PLEK: variants seen among roughly 807,000 people sequenced by gnomAD.
PLEK encodes pleckstrin, also known as platelet 47 kDa protein.
A neutral mutation model predicts 43.9 loss-of-function variants in PLEK; 25 were observed. The ratio of observed to expected loss-of-function variants is 0.57; its 90% confidence interval spans 0.41 to 0.79. The LOEUF is 0.79. PLEK is among the 30% of genes least tolerant of loss of function. The pLI, the probability that PLEK is intolerant of heterozygous loss-of-function variation, is 0.00. For missense variants in PLEK, 396 were observed against 413.3 expected, an observed-to-expected ratio of 0.96 and a Z score of 0.36; for synonymous variants, 152 against 144.4, an observed-to-expected ratio of 1.05 and a Z score of -0.38.
chr2:68,391,753 C>T (rs977879854), intron 6 of PLEK, among the ~76,000 whole-genome samples: 1 of 152,172 alleles, frequency 6.6e-6, no homozygotes, highest in East Asian at 1.9e-4. Flanking sequence ...TACATGCTTG[C>T]CAATATGTGG....
chr2:68,372,225 G>A (rs1191905885), intron 1 of PLEK, among the ~76,000 whole-genome samples: 1 of 151,274 alleles, frequency 6.6e-6, no homozygotes, highest in East Asian at 2.0e-4. Context: ...CCAGGCTGGA[G>A]TGCAGTGGTG....
chr2:68,379,645 GA>G (rs1228707647), intron 1 of PLEK, among the ~76,000 whole-genome samples: 1 of 152,090 alleles, frequency 6.6e-6, no homozygotes, highest in Non-Finnish European at 1.5e-5. Context: ...TTAATGGTGT[GA>G]ACCCGACATG....
At chr2:68,384,423 C>T (rs1172098592) in intron 4 of PLEK, among the ~76,000 whole-genome samples, 3 of 152,068 alleles carry the variant, frequency 2.0e-5, no homozygotes, top group African/African-American at 7.2e-5. Flanking sequence ...CGGGGTTTCA[C>T]CATGTTGGCC....
chr2:68,386,597 C>G lies in PLEK; in HGVS notation c.568C>G (p.Leu190Val). 1 of 1,613,802 alleles carries G rather than the reference C, an allele frequency of 6.2e-7. No homozygotes were observed. Among genetic ancestry groups the G allele is most frequent in the Non-Finnish European group, 8.5e-7 (1 of 1,179,690 alleles). Residue 190 changes from leucine to valine, a missense_variant, in exon 5 of 9, where the codon CTG becomes GTG. By Grantham distance (32) the Leu-to-Val change is conservative. Transcript: ENST00000234313. ...TTCATCGCTGCTCAATGAGGGGTAT[C>G]TGCAGCCTGCTGGAGACATGTCCAA... ...IASSLLNEGY[L>V]QPAGDMSKSA... is the part of the protein sequence containing the mutation.
intron 4 of PLEK, among the ~76,000 whole-genome samples, chr2:68,384,327 T>C (rs931238039): frequency 1.3e-5 from 2 of 152,070 alleles, no homozygotes; most frequent in African/African-American, 4.8e-5. Context: ...GGTTCAAGCG[T>C]GATTCTCGTG....
intron 4 of PLEK, among the ~76,000 whole-genome samples, chr2:68,385,621 C>T (rs1220989440): frequency 6.6e-6 from 1 of 152,062 alleles, no homozygotes; most frequent in Non-Finnish European, 1.5e-5. Context: ...CCCCATGGGG[C>T]TGCTTTATGC....
At chr2:68,376,429 T>C (rs1673502518) in intron 1 of PLEK, among the ~76,000 whole-genome samples, 1 of 152,126 alleles carries the variant, frequency 6.6e-6, no homozygotes, top group African/African-American at 2.4e-5. Context: ...TGCGCAGCCT[T>C]GTGCAAATGT....
At chr2:68,387,665 TG>T (rs1462475441) in intron 5 of PLEK, among the ~76,000 whole-genome samples, 1 of 152,204 alleles carries the variant, frequency 6.6e-6, no homozygotes, top group Non-Finnish European at 1.5e-5. Context: ...GTTTCTATCT[TG>T]GATCAGAGCA....
At chr2:68,367,161 A>G (rs1673291986) in intron 1 of PLEK, among the ~76,000 whole-genome samples, 1 of 152,210 alleles carries the variant, frequency 6.6e-6, no homozygotes, top group South Asian at 2.1e-4. Flanking sequence ...TATATCTTCC[A>G]TAATTTTCAT....
intron 6 of PLEK, among the ~76,000 whole-genome samples, chr2:68,389,500 A>G (rs1673817739): frequency 6.6e-6 from 1 of 152,192 alleles, no homozygotes; most frequent in African/African-American, 2.4e-5. Context: ...GCAAGGAGGG[A>G]AGAACCAGAG....
chr2:68,372,438 A>T (rs1668257922), intron 1 of PLEK, among the ~76,000 whole-genome samples: 1 of 152,182 alleles, frequency 6.6e-6, no homozygotes, highest in South Asian at 2.1e-4. Context: ...AGCCTCTTAA[A>T]GTGCTGGGAT....
intron 5 of PLEK, chr2:68,388,066 G>A (rs1673782887): frequency 3.9e-6 from 1 of 255,334 alleles, no homozygotes; most frequent in Non-Finnish European, 7.5e-6. Flanking sequence ...AGAGAAGGAA[G>A]GCTTTGAAGG....
chr2:68,391,533 T>G (rs1673859193), intron 6 of PLEK, among the ~76,000 whole-genome samples: 1 of 152,242 alleles, frequency 6.6e-6, no homozygotes, highest in African/African-American at 2.4e-5. Context: ...TGCATATGAC[T>G]CTGCAGGGGT....
chr2:68,386,641 T>G lies in PLEK; in HGVS notation c.612T>G (p.Thr204=). The change falls in exon 5 of 9, where the codon ACT becomes ACG. Residue 204 remains threonine (T), a synonymous_variant. Transcript: ENST00000234313. ...TGTCCAAGAGTGCAGTGGATGGAACTGCTGAAAACCCTTTCCTGGACAACC... is the reference window on the plus strand; with the variant it reads ...TGTCCAAGAGTGCAGTGGATGGAACGGCTGAAAACCCTTTCCTGGACAACC... ...GDMSKSAVDG[T]AENPFLDNPD... 1 of 1,614,020 alleles carries G rather than the reference T, an allele frequency of 6.2e-7. No homozygotes were observed. The highest frequency in any genetic ancestry group is 8.5e-7 in the Non-Finnish European group (1 of 1,179,878).
At chr2:68,392,885 T>C (rs1673888101) in intron 6 of PLEK, among the ~76,000 whole-genome samples, 1 of 152,180 alleles carries the variant, frequency 6.6e-6, no homozygotes, top group South Asian at 2.1e-4. Flanking sequence ...ACACAGCACA[T>C]TGTACCTAGT....
intron 1 of PLEK, among the ~76,000 whole-genome samples, chr2:68,372,635 G>A (rs1219232425): frequency 6.6e-6 from 1 of 152,062 alleles, no homozygotes; most frequent in Non-Finnish European, 1.5e-5. Flanking sequence ...ATCCCATTGT[G>A]GACATGTACA....
chr2:68,395,857 A>G lies in PLEK; in HGVS notation c.*41A>G, dbSNP rs1355409004. The G allele has an allele frequency of 6.3e-7, 1 of 1,580,374 alleles. No homozygotes were observed. The highest frequency in any genetic ancestry group is 8.7e-7 in the Non-Finnish European group (1 of 1,150,430). On this transcript the variant is annotated 3_prime_UTR_variant, in exon 9 of 9. Transcript: ENST00000234313. ...CCTCCTCCCCTCCTGAGGGAAGCCC[A>G]TGGACAAGCTCAGTCCAGGACCTGT... is the stretch of plus-strand genomic sequence containing the variant.
intron 4 of PLEK, 43 bp downstream of exon 4, chr2:68,382,676 G>A (rs1256480118): frequency 6.3e-6 from 7 of 1,105,390 alleles, no homozygotes; most frequent in African/African-American, 3.1e-5. Context: ...CTGGGAAGGC[G>A]ATATGGAGTC....
intron 1 of PLEK, among the ~76,000 whole-genome samples, chr2:68,369,648 A>G (rs1673355269): frequency 6.6e-6 from 1 of 152,098 alleles, no homozygotes; most frequent in Non-Finnish European, 1.5e-5. Flanking sequence ...ACTGTGGTGA[A>G]TGCTTTATGT....
Sources: gnomAD v4.1 joint callset for allele counts (sites outside exome capture counted in the v4.1 genomes callset) on GRCh38, gnomAD v4.1.1 for gene constraint, MANE v1.5 for transcripts, NCBI Gene and HGNC (gene_info 2026-07-23, HGNC 2026-07-21) for gene names.